Variants in PCDH9 observed in about 807,000 individuals in gnomAD.
PCDH9 encodes protocadherin 9.
Under a neutral mutation model 70.6 loss-of-function variants are expected in PCDH9, and 24 were observed. The observed-to-expected ratio is 0.34, with a 90% confidence interval of 0.25 to 0.48. The LOEUF is 0.48. PCDH9 is among the 20% of genes least tolerant of loss of function. PCDH9 has a pLI of 0.99. For missense variants in PCDH9, 1,281 were observed against 1,503.6 expected (o/e 0.85, Z 2.45); for synonymous variants, 562 against 558.5 (o/e 1.01, Z -0.09).
chr13:66,352,555 G>C (rs1956309547), intron 4 of PCDH9, among the ~76,000 whole-genome samples: 1 of 152,070 alleles, frequency 6.6e-6, no homozygotes. Context: ...AGTTCCAGTG[G>C]AGAGGGCTAA....
At chr13:66,341,448 T>C (rs183438947) in intron 4 of PCDH9, among the ~76,000 whole-genome samples, 3,953 of 152,168 alleles carry the variant, frequency 0.026, 71 homozygotes, top group Non-Finnish European at 0.038. Context: ...GTTTTGGCTA[T>C]GCAAACTGTG....
chr13:67,068,068 A>C (rs1324379687), intron 2 of PCDH9, among the ~76,000 whole-genome samples: 1 of 152,146 alleles, frequency 6.6e-6, no homozygotes, highest in Non-Finnish European at 1.5e-5. Flanking sequence ...AGTGTAAAAC[A>C]AGTATAATAA....
chr13:67,148,910 C>G (rs2087590247), intron 2 of PCDH9, among the ~76,000 whole-genome samples: 1 of 152,156 alleles, frequency 6.6e-6, no homozygotes, highest in South Asian at 2.1e-4. Context: ...TGATGGAAAA[C>G]TATTATATGA....
intron 3 of PCDH9, among the ~76,000 whole-genome samples, chr13:66,851,696 T>G (rs1371842064): frequency 6.6e-6 from 1 of 152,198 alleles, no homozygotes; most frequent in African/African-American, 2.4e-5. Flanking sequence ...AATAACTTAC[T>G]GTAGACTTGG....
chr13:67,029,526 A>G (rs1045241822), intron 2 of PCDH9, among the ~76,000 whole-genome samples: 1 of 152,128 alleles, frequency 6.6e-6, no homozygotes, highest in African/African-American at 2.4e-5. Flanking sequence ...TCTTCATTCA[A>G]AAGCTCATAT....
At chr13:66,556,984 A>C (rs1961767207) in intron 4 of PCDH9, among the ~76,000 whole-genome samples, 1 of 152,156 alleles carries the variant, frequency 6.6e-6, no homozygotes, top group Non-Finnish European at 1.5e-5. Context: ...GAGTTATCAG[A>C]GCTAATGGCT....
chr13:66,780,302 AAAAAAT>A (rs1474154037), intron 3 of PCDH9, among the ~76,000 whole-genome samples: 17 of 152,248 alleles, frequency 1.1e-4, no homozygotes, highest in African/African-American at 3.6e-4. Flanking sequence ...TTTATTTTTT[AAAAAAT>A]ATTTCCAAAG....
chr13:66,879,948 A>C (rs1190738047), intron 3 of PCDH9: 6 of 152,166 alleles, frequency 3.9e-5, no homozygotes, highest in African/African-American at 9.6e-5. Context: ...AGAAAAAAAA[A>C]CAGTTTATTA....
At chr13:67,007,748 T>G (rs939728023) in intron 2 of PCDH9, among the ~76,000 whole-genome samples, 3 of 152,194 alleles carry the variant, frequency 2.0e-5, no homozygotes, top group Admixed American at 1.3e-4. Context: ...ACAATTTGTG[T>G]GAACAAATCC....
chr13:66,326,417 C>T (rs1283296091), intron 4 of PCDH9, among the ~76,000 whole-genome samples: 6 of 148,794 alleles, frequency 4.0e-5, no homozygotes, highest in South Asian at 2.1e-4. Flanking sequence ...AAAAAAACAA[C>T]GAAAACAATA....
chr13:66,639,430 T>G (rs1000154854), intron 3 of PCDH9, among the ~76,000 whole-genome samples: 13 of 152,226 alleles, frequency 8.5e-5, no homozygotes, highest in African/African-American at 3.1e-4. Flanking sequence ...GGACTCCCTG[T>G]GGTAGAGAAC....
At chr13:66,818,603 G>T (rs549142591) in intron 3 of PCDH9, among the ~76,000 whole-genome samples, 1 of 152,130 alleles carries the variant, frequency 6.6e-6, no homozygotes, top group Non-Finnish European at 1.5e-5. Flanking sequence ...TCCTGGTCAA[G>T]CCAGAAATAT....
rs1204340250 is a variant in PCDH9 at position 66,600,963 on chromosome 13, GGAGA to G, written c.3340+30243_3340+30246del. On this transcript the variant is annotated intron_variant, in intron 4 of 4. Coordinates refer to ENST00000377865, the MANE Select transcript of PCDH9 (RefSeq NM_203487.3). The stretch of plus-strand genomic sequence containing the variant: ...AATTACTATAAAATTACAAGGAGGG[GGAGA>G]GAGTGTATCATTTCATTTCCATTGG... Among the ~76,000 whole-genome samples the G allele has an allele frequency of 4.1e-5, 6 of 144,852 alleles. 2 individuals carry two copies. Among genetic ancestry groups the G allele is most frequent in the African/African-American group, 1.5e-4 (6 of 40,312 alleles).
intron 3 of PCDH9, among the ~76,000 whole-genome samples, chr13:66,698,104 G>A (rs113600064): frequency 3.1e-4 from 47 of 152,250 alleles, no homozygotes; most frequent in African/African-American, 9.1e-4. Flanking sequence ...ATAGAATGGC[G>A]GTTGACAGGG....
At chr13:66,932,844 A>G (rs1176605855) in intron 2 of PCDH9, among the ~76,000 whole-genome samples, 1 of 151,170 alleles carries the variant, frequency 6.6e-6, no homozygotes, top group Non-Finnish European at 1.5e-5. Flanking sequence ...GTTCGCTAAA[A>G]CACTTCTAGA....
intron 4 of PCDH9, among the ~76,000 whole-genome samples, chr13:66,580,960 G>A (rs1433409892): frequency 2.0e-5 from 3 of 152,106 alleles, no homozygotes; most frequent in Admixed American, 6.5e-5. Context: ...TTCTAGCCAC[G>A]GTGGTGGTCA....
intron 3 of PCDH9, among the ~76,000 whole-genome samples, chr13:66,865,536 T>G (rs1379582498): frequency 2.0e-5 from 3 of 152,330 alleles, no homozygotes; most frequent in African/African-American, 7.2e-5. Flanking sequence ...CAGTTTTAAT[T>G]ATTTGATTTT....
rs183346643 is a variant in PCDH9 at position 66,452,863 on chromosome 13, C to T, written c.3341-147835G>A. On this transcript the variant is annotated intron_variant, in intron 4 of 4. Transcript: ENST00000377865. ...GACATTACCCTGAGGATTATTATCC[C>T]TTTTCATAAATATCCCTTCTCACAT... is the stretch of plus-strand genomic sequence containing the variant. 1.7e-3 allele frequency among the ~76,000 whole-genome samples: 259 copies of T among 152,160 alleles called. 1 individual carries two copies. Among genetic ancestry groups the T allele is most frequent in the African/African-American group, 5.9e-3 (244 of 41,512 alleles).
At chr13:66,952,776 C>A (rs765009634) in intron 2 of PCDH9, among the ~76,000 whole-genome samples, 2 of 152,098 alleles carry the variant, frequency 1.3e-5, no homozygotes, top group African/African-American at 4.8e-5. Context: ...CCAGCCTAAA[C>A]TCTCACACCT....
Sources: allele counts gnomAD v4.1 joint callset (sites outside exome capture counted in the v4.1 genomes callset), GRCh38; gene constraint gnomAD v4.1.1; transcripts MANE v1.5; gene names NCBI Gene and HGNC (gene_info 2026-07-23, HGNC 2026-07-21).